The following MYBBP1A variants were observed in gnomAD, a reference collection of about 807,000 sequenced individuals.
MYBBP1A encodes the protein myb-binding protein 1A.
In MYBBP1A, 147 loss-of-function variants were observed where a neutral mutation model predicts 136.3. The observed-to-expected ratio is 1.08, with a 90% CI of 0.94 to 1.24. The LOEUF is 1.24. MYBBP1A is among the 50% of genes most tolerant of loss of function. The pLI is 0.00. For missense variants in MYBBP1A, 2,060 were observed against 1,727.4 expected (o/e 1.19, Z -3.41); for synonymous variants, 947 against 735.8 (o/e 1.29, Z -4.65).
At position 4,552,061 on chromosome 17, in the gene MYBBP1A, C is replaced by T. The variant is rs1053495377; in HGVS notation, c.905+64G>A. The stretch of plus-strand genomic sequence containing the variant: ...GGTGCCCCTGGTGGGAACCTCAGGA[C>T]TAGTGGCCTAGCCCACTTCACGGAC... On this transcript the variant is annotated intron_variant, in intron 7 of 25. Transcript: ENST00000254718. The surrounding 1 kb of genome is among the most constrained non-coding windows in gnomAD (Gnocchi z 4.7). 1 of 1,596,024 alleles carries T rather than the reference C, an allele frequency of 6.3e-7. No individual in the cohort carries two copies. Among genetic ancestry groups the T allele is most frequent in the African/African-American group, 1.3e-5 (1 of 74,820 alleles).
Sources: gnomAD v4.1 joint callset for allele counts on GRCh38, gnomAD v4.1.1 for gene constraint, Gnocchi (gnomAD v3.1) non-coding constraint, MANE v1.5 for transcripts, NCBI Gene and HGNC (gene_info 2026-07-23, HGNC 2026-07-21) for gene names.